The following ROBO2 variants were observed in gnomAD, a reference collection of about 807,000 sequenced individuals.
The protein encoded by ROBO2 is roundabout homolog 2.
Under a neutral mutation model 160.8 loss-of-function variants are expected in ROBO2, and 53 were observed. That is an observed-to-expected ratio of 0.33 (90% CI 0.26 to 0.41). The LOEUF (loss-of-function observed/expected upper bound fraction) is 0.41. Among genes scored for constraint, ROBO2 ranks in the 10% least tolerant of loss-of-function variants. The pLI is 1.00. For synonymous variants in ROBO2, 664 were observed against 611.7 expected, an observed-to-expected ratio of 1.09 and a Z score of -1.26; for missense variants, 1,577 against 1,722.4, an observed-to-expected ratio of 0.92 and a Z score of 1.49.
At chr3:76,562,955 C>T (rs1284206448) in intron 2 of ROBO2, among the ~76,000 whole-genome samples, 5 of 152,040 alleles carry the variant, frequency 3.3e-5, no homozygotes, top group Non-Finnish European at 7.4e-5. Context: ...CTCCTTCCTT[C>T]CTTCTTTCTT....
At chr3:76,173,255 T>C (rs942452675) in intron 2 of ROBO2, among the ~76,000 whole-genome samples, 10 of 151,678 alleles carry the variant, frequency 6.6e-5, no homozygotes, top group African/African-American at 2.2e-4. Context: ...TGTGTATATG[T>C]ATATATGTAT....
chr3:75,984,299 C>T lies in ROBO2; in HGVS notation c.109+46697C>T, dbSNP rs141220349. Among the ~76,000 whole-genome samples, 889 of 151,518 alleles carry T rather than the reference C, an allele frequency of 5.9e-3. 10 individuals are homozygous for T. The highest frequency in any genetic ancestry group is 4.5e-3 in the Non-Finnish European group (305 of 67,540). ...CTTTCACTTTAGTTTTTGAAATAAC[C>T]AGTATGGTAAGAGTAAAATGCCCGT... is the stretch of plus-strand genomic sequence containing the variant. On this transcript the variant is annotated intron_variant, in intron 2 of 26. Coordinates refer to the ROBO2 transcript ENST00000487694.
chr3:77,501,988 G>A (rs1166614339), intron 5 of ROBO2, among the ~76,000 whole-genome samples: 3 of 152,064 alleles, frequency 2.0e-5, no homozygotes, highest in Non-Finnish European at 4.4e-5. Flanking sequence ...TATTTACACA[G>A]TGCTTACTGT....
chr3:76,411,993 CAT>C (rs1293040296), intron 2 of ROBO2, among the ~76,000 whole-genome samples: 4 of 152,072 alleles, frequency 2.6e-5, no homozygotes, highest in Non-Finnish European at 5.9e-5. Context: ...CTGATGAAGA[CAT>C]ACCTGAGACT....
At chr3:77,090,563 C>G (rs891884903) in intron 1 of ROBO2, among the ~76,000 whole-genome samples, 2 of 151,678 alleles carry the variant, frequency 1.3e-5, no homozygotes, top group Admixed American at 6.6e-5. Flanking sequence ...ACCGTGTTAG[C>G]CAGGATGGTC....
intron 6 of ROBO2, among the ~76,000 whole-genome samples, chr3:77,541,714 C>T (rs1338861341): frequency 2.0e-5 from 3 of 152,230 alleles, no homozygotes; most frequent in South Asian, 2.1e-4. Context: ...GGTATAATCA[C>T]GTGACAGATT....
At position 77,342,974 on chromosome 3, in the gene ROBO2, C is replaced by G. The variant is rs556596290; in HGVS notation, c.389-134440C>G. Among the ~76,000 whole-genome samples, 5 of 152,158 alleles carry G rather than the reference C, an allele frequency of 3.3e-5. No individual in the cohort carries two copies. The East Asian group carries it at 9.7e-4, about 29-fold the overall frequency. The stretch of plus-strand genomic sequence containing the variant: ...CCTGAGATTGAGGTACAGGCACGGT[C>G]AGGTTCTGGTAGGGTCTGTCTTCCT... On this transcript the variant is annotated intron_variant, in intron 2 of 25. Transcript: ENST00000461745.
intron 2 of ROBO2, among the ~76,000 whole-genome samples, chr3:76,215,158 C>T (rs995335021): frequency 1.3e-5 from 2 of 152,164 alleles, no homozygotes; most frequent in African/African-American, 4.8e-5. Context: ...AAAACCCCAT[C>T]TGTATGTCAC....
intron 23 of ROBO2, among the ~76,000 whole-genome samples, chr3:77,627,342 C>T (rs970073326): frequency 6.6e-6 from 1 of 152,060 alleles, no homozygotes; most frequent in African/African-American, 2.4e-5. Flanking sequence ...TGCAGTGGCA[C>T]TATCTCTGTT....
At position 76,779,240 on chromosome 3, in the gene ROBO2, G is replaced by A. The variant is rs560481674; in HGVS notation, c.110-318774G>A. The stretch of plus-strand genomic sequence containing the variant: ...AATGTACACAAAGTAAGGAGTTTGA[G>A]GATAAGCATATACTCATGAAACTAT... On this transcript the variant is annotated intron_variant, in intron 2 of 26. Transcript: ENST00000487694. Among the ~76,000 whole-genome samples, 8 of 150,998 alleles carry A rather than the reference G, an allele frequency of 5.3e-5. No homozygotes were observed. In the South Asian group the frequency reaches 1.7e-3, roughly 31 times the overall value.
At chr3:75,923,954 A>G (rs747204622) in intron 1 of ROBO2, among the ~76,000 whole-genome samples, 5 of 152,236 alleles carry the variant, frequency 3.3e-5, no homozygotes, top group Non-Finnish European at 5.9e-5. Flanking sequence ...TACTGTGCAC[A>G]ATGTGTTAGC....
At chr3:76,426,430 A>G (rs2076222944) in intron 2 of ROBO2, among the ~76,000 whole-genome samples, 1 of 152,174 alleles carries the variant, frequency 6.6e-6, no homozygotes, top group Non-Finnish European at 1.5e-5. Context: ...AAAGAATACA[A>G]AAATGATCAA....
chr3:75,930,386 A>G (rs1576183300), intron 1 of ROBO2, among the ~76,000 whole-genome samples: 1 of 151,876 alleles, frequency 6.6e-6, no homozygotes, highest in East Asian at 1.9e-4. Context: ...TTCCTCCTCA[A>G]ATGTCGTAGT....
intron 2 of ROBO2, among the ~76,000 whole-genome samples, chr3:77,345,862 GT>G: frequency 6.6e-6 from 1 of 152,152 alleles, no homozygotes; most frequent in East Asian, 1.9e-4. Flanking sequence ...AATTTGCTCT[GT>G]GATATTAAAA....
intron 2 of ROBO2, among the ~76,000 whole-genome samples, chr3:77,380,539 AT>A (rs539208257): frequency 6.6e-6 from 1 of 150,980 alleles, no homozygotes; most frequent in African/African-American, 2.4e-5. Flanking sequence ...AAAAGACGGG[AT>A]TTTTTTTAGA....
At chr3:76,123,445 A>G (rs980924349) in intron 2 of ROBO2, among the ~76,000 whole-genome samples, 1 of 152,050 alleles carries the variant, frequency 6.6e-6, no homozygotes, top group Non-Finnish European at 1.5e-5. Flanking sequence ...TGTAAGTTCA[A>G]TTTTTCCTTA....
intron 1 of ROBO2, among the ~76,000 whole-genome samples, chr3:77,072,801 A>C (rs1171260451): frequency 6.6e-6 from 1 of 151,972 alleles, no homozygotes; most frequent in African/African-American, 2.4e-5. Flanking sequence ...AAACTTCATC[A>C]CCCTTGGTTT....
intron 1 of ROBO2, among the ~76,000 whole-genome samples, chr3:75,930,067 T>C (rs1947469345): frequency 6.6e-6 from 1 of 152,240 alleles, no homozygotes; most frequent in South Asian, 2.1e-4. Context: ...ATCATTTTAG[T>C]GGCTCAGCAT....
At chr3:77,181,056 A>G (rs1315183394) in intron 2 of ROBO2, among the ~76,000 whole-genome samples, 1 of 152,106 alleles carries the variant, frequency 6.6e-6, no homozygotes, top group Non-Finnish European at 1.5e-5. Flanking sequence ...CCTAACTGTG[A>G]CCTTCAGTGC....
Sources: gnomAD v4.1 joint callset for allele counts (sites outside exome capture counted in the v4.1 genomes callset) on GRCh38, gnomAD v4.1.1 for gene constraint, MANE v1.5 for transcripts, NCBI Gene and HGNC (gene_info 2026-07-23, HGNC 2026-07-21) for gene names.